EYS: variants seen among roughly 807,000 people sequenced by gnomAD.
EYS encodes the protein protein eyes shut homolog.
Under a neutral mutation model 282.1 loss-of-function variants are expected in EYS, and 250 were observed. The observed-to-expected ratio is 0.89, with a 90% CI of 0.80 to 0.98. EYS has a LOEUF of 0.98. Ranked by LOEUF, EYS falls within the 50% of genes least tolerant of loss-of-function variation. The probability of loss-of-function intolerance (pLI) is 0.00; values close to 1 mark genes in which losing one functional copy is unlikely to be tolerated. For missense variants in EYS, 4,016 were observed against 3,709.0 expected (o/e 1.08, Z -2.15); for synonymous variants, 1,355 against 1,282.9 (o/e 1.06, Z -1.20).
At chr6:65,498,961 T>C (rs1216900919) in intron 2 of EYS, among the ~76,000 whole-genome samples, 1 of 152,010 alleles carries the variant, frequency 6.6e-6, no homozygotes, top group East Asian at 1.9e-4. Context: ...TAATATCTTA[T>C]AAATTCTTGG....
At chr6:65,188,523 C>A (rs1765565400) in intron 12 of EYS, among the ~76,000 whole-genome samples, 1 of 151,306 alleles carries the variant, frequency 6.6e-6, no homozygotes, top group Non-Finnish European at 1.5e-5. Flanking sequence ...AGAATAATCA[C>A]CTCCAAAGAT....
chr6:64,884,850 T>G (rs1767038433), intron 19 of EYS, among the ~76,000 whole-genome samples: 1 of 151,666 alleles, frequency 6.6e-6, no homozygotes, highest in Non-Finnish European at 1.5e-5. Context: ...CACTTTTAAT[T>G]TCTTATCTTC....
chr6:65,453,880 T>C (rs1417889336), intron 5 of EYS, among the ~76,000 whole-genome samples: 1 of 152,148 alleles, frequency 6.6e-6, no homozygotes, highest in Non-Finnish European at 1.5e-5. Flanking sequence ...GATGGCTAGA[T>C]AGTATTCCAC....
intron 26 of EYS, among the ~76,000 whole-genome samples, chr6:64,523,921 A>C (rs1207043813): frequency 6.6e-6 from 1 of 151,930 alleles, no homozygotes; most frequent in African/African-American, 2.4e-5. Flanking sequence ...TATATAAATA[A>C]GAGATTTTGA....
rs931034664 is a variant in EYS, at chr6:63,972,941, T to A, written c.7055+11442A>T. Among the ~76,000 whole-genome samples, 3 of 152,298 alleles carry A rather than the reference T, an allele frequency of 2.0e-5. No individual in the cohort carries two copies. In the South Asian group the frequency reaches 6.2e-4, roughly 32 times the overall value. ...TTTTCTTTATCCAGTCTATCATTGA[T>A]GGGCATTTGGGTTGGTTCCAAGTCT... is the stretch of plus-strand genomic sequence containing the variant. On this transcript the variant is annotated intron_variant, in intron 35 of 42. Transcript: ENST00000503581.
intron 26 of EYS, among the ~76,000 whole-genome samples, chr6:64,471,236 T>C (rs1010330646): frequency 6.6e-6 from 1 of 152,152 alleles, no homozygotes; most frequent in Non-Finnish European, 1.5e-5. Context: ...ATTGGAATTT[T>C]AGGTAGAGCA....
At chr6:64,065,357 A>G (rs1167395353) in intron 33 of EYS, among the ~76,000 whole-genome samples, 2 of 152,206 alleles carry the variant, frequency 1.3e-5, no homozygotes, top group African/African-American at 4.8e-5. Flanking sequence ...GACATAGAGT[A>G]ACTTTGGAGA....
At chr6:64,429,924 T>C (rs191486034) in intron 28 of EYS, among the ~76,000 whole-genome samples, 17 of 152,346 alleles carry the variant, frequency 1.1e-4, no homozygotes, top group Admixed American at 7.8e-4. Context: ...CATGTTTTTC[T>C]TGACACTGCT....
At chr6:64,239,693 A>G (rs970586712) in intron 30 of EYS, among the ~76,000 whole-genome samples, 2 of 150,964 alleles carry the variant, frequency 1.3e-5, no homozygotes, top group Non-Finnish European at 2.9e-5. Flanking sequence ...ATTTTCTCCC[A>G]TTCTGTTGGT....
chr6:63,744,501 G>A (rs1282175331), intron 41 of EYS: 1 of 151,986 alleles, frequency 6.6e-6, no homozygotes, highest in Non-Finnish European at 1.5e-5. Flanking sequence ...TCCTCTCATA[G>A]CACTTTTAAC....
rs2150376054 is a variant in EYS, at chr6:64,307,101, GA to G, written c.6079-20del. 2 of 1,104,398 alleles carry G rather than the reference GA, an allele frequency of 1.8e-6. No individual in the cohort carries two copies. The highest frequency in any genetic ancestry group is 2.7e-6 in the Non-Finnish European group (2 of 746,326). 68.4% of individuals were successfully genotyped at this position (1,104,398 alleles called of 1,614,324 possible). ...CAGGCATCTGAGAGAGAGAGAGAGAGAGAGAAGTAGAGATAATTTAAATGAT... is the reference window on the plus strand; with the variant it reads ...CAGGCATCTGAGAGAGAGAGAGAGAGGAGAAGTAGAGATAATTTAAATGAT... On this transcript the variant is annotated intron_variant, in intron 29 of 42. Coordinates refer to ENST00000503581, the MANE Select transcript of EYS (RefSeq NM_001142800.2).
At chr6:64,906,259 C>T (rs1767823354) in intron 16 of EYS, among the ~76,000 whole-genome samples, 1 of 151,314 alleles carries the variant, frequency 6.6e-6, no homozygotes, top group South Asian at 2.1e-4. Context: ...TTTTTAACAT[C>T]TATTTTTAAA....
chr6:65,005,446 G>A (rs1384472481), intron 13 of EYS, among the ~76,000 whole-genome samples: 7 of 147,398 alleles, frequency 4.7e-5, no homozygotes, highest in East Asian at 2.1e-4. Flanking sequence ...TCTTGGAAGC[G>A]GGTCACCGCC....
intron 12 of EYS, among the ~76,000 whole-genome samples, chr6:65,177,402 G>C (rs1765252155): frequency 6.6e-6 from 1 of 151,794 alleles, no homozygotes; most frequent in Admixed American, 6.6e-5. Context: ...TAATGTGTTA[G>C]AATAAATATT....
intron 33 of EYS, among the ~76,000 whole-genome samples, chr6:64,047,039 A>G (rs1770651743): frequency 6.6e-6 from 1 of 152,126 alleles, no homozygotes; most frequent in African/African-American, 2.4e-5. Context: ...TGGGACACCA[A>G]GGATATTTCA....
chr6:65,566,457 C>T (rs749706369), intron 2 of EYS, among the ~76,000 whole-genome samples: 1 of 152,078 alleles, frequency 6.6e-6, no homozygotes. Flanking sequence ...GTAGGGCACT[C>T]AATCTGTTGA....
At chr6:64,456,312 T>G (rs139275105) in intron 26 of EYS, among the ~76,000 whole-genome samples, 1 of 152,108 alleles carries the variant, frequency 6.6e-6, no homozygotes, top group African/African-American at 2.4e-5. Context: ...GTTTTAATAT[T>G]AATTTGGTAC....
At chr6:65,462,113 T>C (rs193135159) in intron 5 of EYS, among the ~76,000 whole-genome samples, 158 of 152,264 alleles carry the variant, frequency 1.0e-3, no homozygotes, top group African/African-American at 3.6e-3. Context: ...GACATTTGTA[T>C]AATAGGAAAC....
chr6:65,180,205 G>T (rs1436195872), intron 12 of EYS, among the ~76,000 whole-genome samples: 1 of 152,072 alleles, frequency 6.6e-6, no homozygotes, highest in Admixed American at 6.6e-5. Context: ...GTTCTGGCCA[G>T]GGAAGTCAGG....
Sources: allele counts gnomAD v4.1 joint callset (sites outside exome capture counted in the v4.1 genomes callset), GRCh38; gene constraint gnomAD v4.1.1; transcripts MANE v1.5; gene names NCBI Gene and HGNC (gene_info 2026-07-23, HGNC 2026-07-21).